Variants in MYO1E observed in about 807,000 individuals in gnomAD.
MYO1E encodes myosin IE.
MYO1E carries 68 observed loss-of-function variants against 151.1 expected under a neutral mutation model. The observed-to-expected ratio is 0.45, with a 90% CI of 0.37 to 0.55. The LOEUF (loss-of-function observed/expected upper bound fraction) is 0.55. Ranked by LOEUF, MYO1E falls within the 20% of genes least tolerant of loss-of-function variation. The probability of loss-of-function intolerance (pLI) is 0.00; values close to 1 mark genes in which losing one functional copy is unlikely to be tolerated. For missense variants in MYO1E, 1,363 were observed against 1,389.3 expected, an observed-to-expected ratio of 0.98 and a Z score of 0.30; for synonymous variants, 601 against 501.7, an observed-to-expected ratio of 1.20 and a Z score of -2.64.
intron 17 of MYO1E, among the ~76,000 whole-genome samples, chr15:59,193,029 G>A (rs976190599): frequency 1.1e-4 from 16 of 152,134 alleles, no homozygotes; most frequent in African/African-American, 2.4e-4. Context: ...GAAGAGTCTC[G>A]CTCTAACAAC....
Position 59,256,344 on chromosome 15 carries a change from A to T in MYO1E, c.272T>A (p.Leu91His). 6.2e-7 allele frequency: 1 copy of T among 1,612,904 alleles called. No homozygotes were observed. The highest frequency in any genetic ancestry group is 8.5e-7 in the Non-Finnish European group (1 of 1,179,066). The change falls in exon 4 of 28, where the codon CTT (leucine) becomes CAT (histidine). Residue 91 changes from leucine to histidine, a missense_variant. Coordinates refer to ENST00000288235, the MANE Select transcript of MYO1E (RefSeq NM_004998.4). The stretch of plus-strand genomic sequence containing the variant: ...CATGTTTCTGTACATATTATCTGCA[A>T]GGGCATAGATATGTGGTGGGTTTTC... ...QYENPPHIYA[L>H]ADNMYRNMII... is the part of the protein sequence containing the mutation.
intron 1 of MYO1E, among the ~76,000 whole-genome samples, chr15:59,272,829 T>C (rs1178432186): frequency 1.3e-5 from 2 of 152,224 alleles, no homozygotes; most frequent in African/African-American, 4.8e-5. Flanking sequence ...GATGAGACTA[T>C]CCTTCAACCA....
At chr15:59,150,286 G>A (rs1003569603) in intron 26 of MYO1E, among the ~76,000 whole-genome samples, 1 of 152,190 alleles carries the variant, frequency 6.6e-6, no homozygotes. Flanking sequence ...AGCACCACGT[G>A]TACCCAGTCT....
In MYO1E at chr15:59,202,354, C is replaced by T. The variant is rs775776382; in HGVS notation, c.1670G>A (p.Arg557His). The change falls in exon 16 of 28, where the codon CGC becomes CAC. Residue 557 changes from arginine (R) to histidine (H), a missense_variant. Coordinates refer to ENST00000288235, the MANE Select transcript of MYO1E (RefSeq NM_004998.4). ...TATTTTGCTTCCGGCAGTAGTTGGG[C>T]GCCCTTTCTTGTCAGCCTGCAGATT... ...PENLQADKKGRPTTAGSKIKK... is the reference protein window; with the variant it reads ...PENLQADKKGHPTTAGSKIKK... 3 of 1,613,936 alleles carry T rather than the reference C, an allele frequency of 1.9e-6. No homozygotes were observed. The highest frequency in any genetic ancestry group is 1.3e-5 in the African/African-American group (1 of 74,916).
At chr15:59,298,693 T>C (rs2080465450) in intron 1 of MYO1E, among the ~76,000 whole-genome samples, 1 of 152,174 alleles carries the variant, frequency 6.6e-6, no homozygotes, top group Non-Finnish European at 1.5e-5. Context: ...AAGGAGTTCT[T>C]TCAGACCAGA....
At chr15:59,164,196 G>C (rs1308254173) in intron 22 of MYO1E, among the ~76,000 whole-genome samples, 4 of 152,174 alleles carry the variant, frequency 2.6e-5, no homozygotes, top group Non-Finnish European at 5.9e-5. Context: ...ATGTAATTGA[G>C]AATTTGCATT....
At chr15:59,278,043 T>C (rs1411044087) in intron 1 of MYO1E, among the ~76,000 whole-genome samples, 1 of 152,222 alleles carries the variant, frequency 6.6e-6, no homozygotes, top group Non-Finnish European at 1.5e-5. Context: ...TCAATATAAT[T>C]GAGCATTTTC....
intron 1 of MYO1E, among the ~76,000 whole-genome samples, chr15:59,371,698 G>A (rs1234969650): frequency 6.6e-6 from 1 of 152,160 alleles, no homozygotes; most frequent in Non-Finnish European, 1.5e-5. Flanking sequence ...CGTGCGAAGC[G>A]TCCCCTGGAT....
At chr15:59,178,350 C>A in intron 19 of MYO1E, 43 bp downstream of exon 19, 1 of 1,609,218 alleles carries the variant, frequency 6.2e-7, no homozygotes, top group Non-Finnish European at 8.5e-7. Context: ...CTGGCGGGGG[C>A]CCCGCGGGAG....
At chr15:59,339,198 T>C (rs1326490309) in intron 1 of MYO1E, among the ~76,000 whole-genome samples, 1 of 152,222 alleles carries the variant, frequency 6.6e-6, no homozygotes, top group Non-Finnish European at 1.5e-5. Context: ...ACTAAACTCT[T>C]CCATTTTATC....
intron 1 of MYO1E, among the ~76,000 whole-genome samples, chr15:59,281,925 C>A (rs918416599): frequency 4.0e-5 from 6 of 151,142 alleles, no homozygotes; most frequent in Admixed American, 2.0e-4. Context: ...GATTGCACCA[C>A]TGCACTCCAG....
At chr15:59,343,493 T>C (rs2080777101) in intron 1 of MYO1E, among the ~76,000 whole-genome samples, 1 of 152,184 alleles carries the variant, frequency 6.6e-6, no homozygotes, top group African/African-American at 2.4e-5. Flanking sequence ...GGTAATTTCC[T>C]TTTAGTTAAA....
At chr15:59,137,560 G>A (rs1276979675) in intron 27 of MYO1E, 104 bp from the exon 28 acceptor site, 2 of 931,528 alleles carry the variant, frequency 2.1e-6, no homozygotes, top group African/African-American at 3.2e-5. Context: ...CTCCATCCAT[G>A]TTGTTTTCCC....
chr15:59,169,212 A>C (rs974813167), intron 22 of MYO1E, among the ~76,000 whole-genome samples: 6 of 152,356 alleles, frequency 3.9e-5, no homozygotes, highest in South Asian at 4.1e-4. Flanking sequence ...CCATATGTTG[A>C]TATCATTCCA....
intron 24 of MYO1E, 52 bp downstream of exon 24, chr15:59,161,021 A>T: frequency 6.2e-7 from 1 of 1,609,300 alleles, no homozygotes; most frequent in Non-Finnish European, 8.5e-7. Flanking sequence ...TTTGCTCGGG[A>T]GACTCGGGGG....
At chr15:59,204,650 CCTCCCT>C (rs1222064287) in intron 15 of MYO1E, among the ~76,000 whole-genome samples, 3 of 152,054 alleles carry the variant, frequency 2.0e-5, no homozygotes, top group Non-Finnish European at 4.4e-5. Flanking sequence ...AGGGGGATAC[CCTCCCT>C]CTTCTACCCC....
chr15:59,197,026 T>G (rs2079771400), intron 16 of MYO1E, among the ~76,000 whole-genome samples: 1 of 126,414 alleles, frequency 7.9e-6, no homozygotes, highest in African/African-American at 2.9e-5. Context: ...GGAGTCTCAC[T>G]CTGAGGCCCA....
chr15:59,207,119 G>A (rs762613715), intron 14 of MYO1E: 1 of 1,614,208 alleles, frequency 6.2e-7, no homozygotes, highest in Non-Finnish European at 8.5e-7. Flanking sequence ...CTTATTGAGC[G>A]TTTCACTTCC....
intron 1 of MYO1E, among the ~76,000 whole-genome samples, chr15:59,317,931 G>A (rs1354445720): frequency 1.3e-5 from 2 of 152,190 alleles, no homozygotes; most frequent in African/African-American, 4.8e-5. Context: ...TGTGGAAACT[G>A]AGGTAGAAGG....
Sources: allele counts gnomAD v4.1 joint callset (sites outside exome capture counted in the v4.1 genomes callset), GRCh38; gene constraint gnomAD v4.1.1; transcripts MANE v1.5; gene names NCBI Gene and HGNC (gene_info 2026-07-23, HGNC 2026-07-21).